DNASE2: variants seen among roughly 807,000 people sequenced by gnomAD.
DNASE2 encodes the protein deoxyribonuclease 2, lysosomal.
In DNASE2, 26 loss-of-function variants were observed where a neutral mutation model predicts 29.8. That is an observed-to-expected ratio of 0.87 (90% CI 0.64 to 1.21). DNASE2 has a LOEUF of 1.21. Ranked by LOEUF, DNASE2 falls within the 50% of genes most tolerant of loss-of-function variation. The pLI is 0.00. For missense variants in DNASE2, 415 were observed against 455.6 expected, an observed-to-expected ratio of 0.91 and a Z score of 0.81; for synonymous variants, 186 against 193.5, an observed-to-expected ratio of 0.96 and a Z score of 0.32.
Position 12,876,279 on chromosome 19 carries a change from G to C in DNASE2, c.794C>G (p.Ser265Cys). Reference protein sequence around the residue: ...FWHKTVGILPSNCSDIWQVLN... With the variant: ...FWHKTVGILPCNCSDIWQVLN... ...AACCTGCCAGATATCCGAGCAGTTA[G>C]AGGGCAGGATGCCTACAGTTTTGTG... is the stretch of plus-strand genomic sequence containing the variant. The change falls in exon 6 of 6, where the codon TCT (serine) becomes TGT (cysteine). Residue 265 changes from serine (S) to cysteine (C), a missense_variant. Transcript: ENST00000222219. 6.2e-7 allele frequency: 1 copy of C among 1,614,140 alleles called. No individual in the cohort carries two copies. Among genetic ancestry groups the C allele is most frequent in the Middle Eastern group, 1.7e-4 (1 of 6,060 alleles).
chr19:12,875,821 C>T lies in DNASE2; in HGVS notation c.*169G>A. 1 of 724,512 alleles carries T rather than the reference C, an allele frequency of 1.4e-6. No homozygotes were observed. Among genetic ancestry groups the T allele is most frequent in the Non-Finnish European group, 2.2e-6 (1 of 454,018 alleles). 44.9% of individuals were successfully genotyped at this position (724,512 alleles called of 1,614,324 possible). ...CCTCTGGCTTCAGTGGCTGGGACTA[C>T]AGGCATTTATCACCGTGCCTGGCTA... is the stretch of plus-strand genomic sequence containing the variant. On this transcript the variant is annotated 3_prime_UTR_variant, in exon 6 of 6. Transcript: ENST00000222219.
At chr19:12,877,079 C>A (rs1221334377) in intron 5 of DNASE2, among the ~76,000 whole-genome samples, 4 of 152,046 alleles carry the variant, frequency 2.6e-5, no homozygotes, top group Admixed American at 2.0e-4. Flanking sequence ...CGCCCTCCAC[C>A]ATGCCCAGAT....
intron 3 of DNASE2, among the ~76,000 whole-genome samples, chr19:12,880,360 A>G (rs1320080638): frequency 1.3e-5 from 2 of 151,022 alleles, no homozygotes; most frequent in East Asian, 4.0e-4. Context: ...GGAAAAATGC[A>G]TAGGAACTCG....
rs747693624 is a variant in DNASE2 at position 12,876,148 on chromosome 19, C to A, written c.925G>T (p.Val309Leu). 2 of 1,614,118 alleles carry A rather than the reference C, an allele frequency of 1.2e-6. No homozygotes were observed. Among genetic ancestry groups the A allele is most frequent in the African/African-American group, 2.7e-5 (2 of 74,950 alleles). The change falls in exon 6 of 6, where the codon GTG becomes TTG. Residue 309 changes from valine (V) to leucine (L), a missense_variant. Val to Leu is a conservative substitution (Grantham distance 32, BLOSUM62 1). Transcript: ENST00000222219. Reference protein sequence around the residue: ...CVSPKGPWTCVGDMNRNQGEE... With the variant: ...CVSPKGPWTCLGDMNRNQGEE... The stretch of plus-strand genomic sequence containing the variant: ...CCCTGGTTCCGATTCATGTCACCCA[C>A]GCAGGTCCAGGGCCCTTTTGGGGAC...
chr19:12,876,926 G>C (rs768728798), intron 5 of DNASE2, among the ~76,000 whole-genome samples: 32 of 152,046 alleles, frequency 2.1e-4, no homozygotes, highest in South Asian at 1.0e-3. Context: ...GGTTTCAAGC[G>C]ATTCTCATGC....
chr19:12,880,947 C>T lies in DNASE2; in HGVS notation c.267+25G>A. The T allele has an allele frequency of 1.9e-6, 3 of 1,614,246 alleles. No homozygotes were observed. In the Middle Eastern group the frequency reaches 5.0e-4, roughly 266 times the overall value. ...GCAGGGCAGCCCTAGAGTTTCGCCC[C>T]TAGTTGGCCCGGGGCCCCCTTCACC... On this transcript the variant is annotated intron_variant, in intron 2 of 5. Transcript: ENST00000222219.
Position 12,875,904 on chromosome 19 carries a change from A to C in DNASE2, c.*86T>G. The C allele has an allele frequency of 6.4e-7, 1 of 1,566,660 alleles. No individual in the cohort carries two copies. The highest frequency in any genetic ancestry group is 1.7e-5 in the Admixed American group (1 of 58,164). ...CACTATGTAGCCCAGGCTGGTCTCG[A>C]ATTCCTGAGTTCAAGTGATCCTCCC... On this transcript the variant is annotated 3_prime_UTR_variant, in exon 6 of 6. Coordinates refer to ENST00000222219, the MANE Select transcript of DNASE2 (RefSeq NM_001375.3).
chr19:12,876,459 CT>C (rs56207722), intron 5 of DNASE2, 96 bp from the exon 6 acceptor site: 189,128 of 1,211,598 alleles, frequency 0.16, no homozygotes, highest in Middle Eastern at 0.17. Context: ...TCCATATTTC[CT>C]TTTTTTTTTT....
chr19:12,880,931 C>G, intron 2 of DNASE2, 41 bp downstream of exon 2: 1 of 1,614,198 alleles, frequency 6.2e-7, no homozygotes, highest in East Asian at 2.2e-5. Flanking sequence ...GGCAGGGCAG[C>G]CCTAGAGTTT....
At position 12,876,033 on chromosome 19, in the gene DNASE2, C is replaced by G. The variant is rs760721485; in HGVS notation, c.1040G>C (p.Cys347Ser). 6.2e-7 allele frequency: 1 copy of G among 1,613,924 alleles called. No individual in the cohort carries two copies. Among genetic ancestry groups the G allele is most frequent in the Admixed American group, 1.7e-5 (1 of 60,012 alleles). Reference protein sequence around the residue: ...FQPLVKNYQPCNGMARKPSRA... With the variant: ...FQPLVKNYQPSNGMARKPSRA... ...GCTGGGCTTCCTGGCCATGCCATTA[C>G]AGGGCTGGTAGTTCTTCACCAGCGG... is the stretch of plus-strand genomic sequence containing the variant. Residue 347 changes from cysteine (C) to serine (S), a missense_variant, in exon 6 of 6, where the codon TGT (cysteine) becomes TCT (serine). Physicochemically the swap from Cys to Ser is moderately radical, Grantham distance 112. Transcript: ENST00000222219.
At position 12,875,790 on chromosome 19, in the gene DNASE2, A is replaced by G. The variant is rs1970312151; in HGVS notation, c.*200T>C. ...CTGTGACCATGATCTCCCTGGTTCAATCGATCCTCTGGCTTCAGTGGCTGG... is the reference window on the plus strand; with the variant it reads ...CTGTGACCATGATCTCCCTGGTTCAGTCGATCCTCTGGCTTCAGTGGCTGG... On this transcript the variant is annotated 3_prime_UTR_variant, in exon 6 of 6. Transcript: ENST00000222219. 5 of 598,694 alleles carry G rather than the reference A, an allele frequency of 8.4e-6. No homozygotes were observed. In the East Asian group the frequency reaches 1.5e-4, roughly 18 times the overall value. The allele number at this position is 598,694 out of a possible 1,614,324, so 37.1% of individuals were successfully genotyped here. A position where few individuals can be genotyped will look rare whatever the true frequency, so the allele number is the denominator to read the frequency against.
At position 12,878,480 on chromosome 19, in the gene DNASE2, T is replaced by C. The variant is rs16978744; in HGVS notation, c.611A>G (p.His204Arg). 7.5e-4 allele frequency: 1,213 copies of C among 1,614,062 alleles called. 6 individuals are homozygous for C. The African/African-American group carries it at 0.014, about 19-fold the overall frequency. The change falls in exon 5 of 6, where the codon CAC becomes CGC. Residue 204 changes from histidine to arginine, a missense_variant. Physicochemically the swap from His to Arg is conservative, Grantham distance 29. Coordinates refer to ENST00000222219, the MANE Select transcript of DNASE2 (RefSeq NM_001375.3). Reference protein sequence around the residue: ...FPDLENVVKGHHVSQEPWNSS... With the variant: ...FPDLENVVKGRHVSQEPWNSS... ...GTTCCAGGGTTCTTGGCTAACGTGGTGGCCCTTGACCACATTCTCCAAGTC... is the reference window on the plus strand; with the variant it reads ...GTTCCAGGGTTCTTGGCTAACGTGGCGGCCCTTGACCACATTCTCCAAGTC...
chr19:12,877,015 G>A (rs974008447), intron 5 of DNASE2, among the ~76,000 whole-genome samples: 1 of 152,006 alleles, frequency 6.6e-6, no homozygotes, highest in Non-Finnish European at 1.5e-5. Flanking sequence ...TAGAGATGGG[G>A]TTCCACCATG....
Position 12,875,678 on chromosome 19 carries a change from G to A in DNASE2, c.*312C>T, listed in dbSNP as rs1158993887. 1 of 311,626 alleles carries A rather than the reference G, an allele frequency of 3.2e-6. No individual in the cohort carries two copies. Among genetic ancestry groups the A allele is most frequent in the African/African-American group, 2.2e-5 (1 of 46,078 alleles). 19.3% of individuals were successfully genotyped at this position (311,626 alleles called of 1,614,324 possible). ...CAAAGTGCTGGGGTTACAGATGTGA[G>A]CCACTGCACCCACCCGTCCCCCGCC... On this transcript the variant is annotated 3_prime_UTR_variant, in exon 6 of 6. Coordinates refer to ENST00000222219, the MANE Select transcript of DNASE2 (RefSeq NM_001375.3).
rs761957135 is a variant in DNASE2, at chr19:12,876,111, C to T, written c.962G>A (p.Arg321Gln). The T allele has an allele frequency of 1.7e-5, 28 of 1,613,976 alleles. No individual in the cohort carries two copies. Among genetic ancestry groups the T allele is most frequent in the Admixed American group, 3.3e-5 (2 of 59,994 alleles). The change falls in exon 6 of 6, where the codon CGG (arginine) becomes CAG (glutamine). Residue 321 changes from arginine (R) to glutamine (Q), a missense_variant. Arg to Gln is a conservative substitution (Grantham distance 43, BLOSUM62 1). Coordinates refer to ENST00000222219, the MANE Select transcript of DNASE2 (RefSeq NM_001375.3). The part of the protein sequence containing the change: ...DMNRNQGEEQ[R>Q]GGGTLCAQLP... The stretch of plus-strand genomic sequence containing the variant: ...CTGGGCACACAGTGTGCCCCCACCC[C>T]GTTGCTCCTCTCCCTGGTTCCGATT...
intron 5 of DNASE2, among the ~76,000 whole-genome samples, chr19:12,877,213 G>A (rs1031686484): frequency 2.6e-5 from 4 of 151,724 alleles, no homozygotes; most frequent in Non-Finnish European, 4.4e-5. Flanking sequence ...GTGAGCCACC[G>A]CGTCCGGCCC....
intron 5 of DNASE2, among the ~76,000 whole-genome samples, chr19:12,877,699 C>T (rs1970336873): frequency 6.6e-6 from 1 of 151,622 alleles, no homozygotes; most frequent in Non-Finnish European, 1.5e-5. Context: ...GTGCCCGCCA[C>T]CATGCCTGGC....
chr19:12,880,370 G>A (rs914265694), intron 3 of DNASE2, among the ~76,000 whole-genome samples: 1 of 150,860 alleles, frequency 6.6e-6, no homozygotes, highest in Non-Finnish European at 1.5e-5. Context: ...ATAGGAACTC[G>A]GCTGGGCAGG....
chr19:12,880,052 C>T (rs900021097), intron 3 of DNASE2, among the ~76,000 whole-genome samples: 3 of 134,896 alleles, frequency 2.2e-5, no homozygotes, highest in African/African-American at 8.5e-5. Flanking sequence ...TTGCAGTGAG[C>T]TGAGATTGCA....
Sources: allele counts gnomAD v4.1 joint callset (sites outside exome capture counted in the v4.1 genomes callset), GRCh38; gene constraint gnomAD v4.1.1; transcripts MANE v1.5; gene names NCBI Gene and HGNC (gene_info 2026-07-23, HGNC 2026-07-21).